GRM8: variants seen among roughly 807,000 people sequenced by gnomAD.
The protein encoded by GRM8 is metabotropic glutamate receptor 8.
Under a neutral mutation model 87.2 loss-of-function variants are expected in GRM8, and 47 were observed. The observed-to-expected ratio is 0.54, with a 90% confidence interval of 0.43 to 0.69. The LOEUF (loss-of-function observed/expected upper bound fraction) is 0.69. Ranked by LOEUF, GRM8 falls within the 30% of genes least tolerant of loss-of-function variation. The pLI, the probability that GRM8 is intolerant of heterozygous loss-of-function variation, is 0.00. For synonymous variants in GRM8, 396 were observed against 404.5 expected (o/e 0.98, Z 0.25); for missense variants, 1,019 against 1,139.2 (o/e 0.89, Z 1.52).
intron 8 of GRM8, among the ~76,000 whole-genome samples, chr7:126,544,847 ACT>A (rs1160619658): frequency 1.3e-5 from 2 of 152,126 alleles, no homozygotes; most frequent in East Asian, 3.9e-4. Context: ...GAAGACAGAA[ACT>A]CTGCAGGTTC....
chr7:126,490,694 T>A (rs1250236475), intron 9 of GRM8, among the ~76,000 whole-genome samples: 1 of 151,970 alleles, frequency 6.6e-6, no homozygotes, highest in East Asian at 1.9e-4. Context: ...AGTCACAATG[T>A]TTCCTCACAG....
intron 7 of GRM8, among the ~76,000 whole-genome samples, chr7:126,768,381 A>AAAAAAAAAT (rs1818443964): frequency 2.0e-5 from 3 of 148,630 alleles, no homozygotes; most frequent in Non-Finnish European, 4.5e-5. Context: ...AAAAAAAAAA[A>AAAAAAAAAT]GTGGACAGAA....
rs17866131 is a variant in GRM8 at position 127,242,580 on chromosome 7, C to G, written c.510+115G>C. ...GTCCCATTTGAGGAACCTGGTAACACCAAAAGGGTCTATGAGCACCTTCAC... is the reference window on the plus strand; with the variant it reads ...GTCCCATTTGAGGAACCTGGTAACAGCAAAAGGGTCTATGAGCACCTTCAC... On this transcript the variant is annotated intron_variant, in intron 2 of 10. Coordinates refer to ENST00000339582, the MANE Select transcript of GRM8 (RefSeq NM_000845.3). 3,424 of 975,230 alleles carry G rather than the reference C, an allele frequency of 3.5e-3. 80 individuals are homozygous for G. The African/African-American group carries it at 0.049, about 14-fold the overall frequency. 60.4% of individuals were successfully genotyped at this position (975,230 alleles called of 1,614,324 possible). A position where few individuals can be genotyped will look rare whatever the true frequency, so the allele number is the denominator to read the frequency against.
In GRM8 at chr7:126,510,721, C is replaced by T. The variant is rs150404844; in HGVS notation, c.2430+22231G>A. Among the ~76,000 whole-genome samples the T allele has an allele frequency of 3.8e-4, 8 of 21,246 alleles. No individual in the cohort carries two copies. In the East Asian group the frequency reaches 7.9e-3, roughly 21 times the overall value. 13.9% of individuals were successfully genotyped at this position (21,246 alleles called of 152,430 possible). ...TGGAGGCATTTAGGCATCATCTGAA[C>T]TGATGCATTGGTTAGCATCACTTTT... is the stretch of plus-strand genomic sequence containing the variant. On this transcript the variant is annotated intron_variant, in intron 9 of 10. Transcript: ENST00000339582.
intron 6 of GRM8, among the ~76,000 whole-genome samples, chr7:126,859,336 TC>T (rs1309539071): frequency 1.3e-5 from 2 of 152,146 alleles, no homozygotes; most frequent in African/African-American, 4.8e-5. Context: ...AAGCCCTTTA[TC>T]ACCCCACCCC....
At chr7:127,147,472 A>C (rs1393157286) in intron 2 of GRM8, among the ~76,000 whole-genome samples, 1 of 151,916 alleles carries the variant, frequency 6.6e-6, no homozygotes, top group Non-Finnish European at 1.5e-5. Flanking sequence ...CTAACTACTA[A>C]TAAGCTGCAG....
chr7:126,959,962 G>T (rs1042728449), intron 3 of GRM8, among the ~76,000 whole-genome samples: 1 of 152,182 alleles, frequency 6.6e-6, no homozygotes, highest in Non-Finnish European at 1.5e-5. Flanking sequence ...TGTGTATGAA[G>T]TAATTATTAC....
chr7:126,832,230 G>A (rs1795459384), intron 6 of GRM8, among the ~76,000 whole-genome samples: 1 of 150,724 alleles, frequency 6.6e-6, no homozygotes, highest in African/African-American at 2.4e-5. Context: ...TGCCATAGTG[G>A]ACTAGATCCC....
At chr7:126,996,210 T>C (rs1372508321) in intron 3 of GRM8, among the ~76,000 whole-genome samples, 1 of 151,764 alleles carries the variant, frequency 6.6e-6, no homozygotes, top group Non-Finnish European at 1.5e-5. Flanking sequence ...TTAATGGGAG[T>C]TCTTCAATCT....
intron 9 of GRM8, among the ~76,000 whole-genome samples, chr7:126,471,815 A>G (rs1805288953): frequency 6.6e-6 from 1 of 151,912 alleles, no homozygotes; most frequent in Non-Finnish European, 1.5e-5. Context: ...GATTCTTCCT[A>G]CCCATGAGCA....
intron 2 of GRM8, among the ~76,000 whole-genome samples, chr7:127,111,755 G>A (rs750511289): frequency 6.6e-5 from 10 of 152,156 alleles, no homozygotes; most frequent in South Asian, 6.2e-4. Flanking sequence ...GGCTGGGTGC[G>A]GTGTCTCACG....
At chr7:126,617,736 G>C (rs1195596281) in intron 7 of GRM8, among the ~76,000 whole-genome samples, 3 of 152,098 alleles carry the variant, frequency 2.0e-5, no homozygotes, top group Admixed American at 6.6e-5. Flanking sequence ...ACCAATAACA[G>C]ACAAACAGAG....
At chr7:126,525,814 T>G (rs1813733217) in intron 9 of GRM8, among the ~76,000 whole-genome samples, 1 of 152,194 alleles carries the variant, frequency 6.6e-6, no homozygotes, top group Admixed American at 6.5e-5. Context: ...GTCATTTACT[T>G]GTTACCTTAG....
intron 7 of GRM8, among the ~76,000 whole-genome samples, chr7:126,724,303 T>C (rs1031998721): frequency 3.3e-5 from 5 of 152,192 alleles, no homozygotes; most frequent in African/African-American, 4.8e-5. Context: ...AAGTGTTGCA[T>C]GACAATTCCA....
rs191267553 is a variant in GRM8, at chr7:126,676,530, T to C, written c.1358-67032A>G. Among the ~76,000 whole-genome samples the C allele has an allele frequency of 6.1e-4, 93 of 152,120 alleles. 1 individual carries two copies. The highest frequency in any genetic ancestry group is 4.6e-4 in the Admixed American group (7 of 15,270). On this transcript the variant is annotated intron_variant, in intron 7 of 10. Transcript: ENST00000339582. ...TGGTACTGGTATAAAAGTAAATACA[T>C]AGAACAATGGAATAGAATAGAGAAC...
intron 8 of GRM8, among the ~76,000 whole-genome samples, chr7:126,585,722 T>A (rs1303140012): frequency 6.6e-6 from 1 of 152,108 alleles, no homozygotes; most frequent in African/African-American, 2.4e-5. Flanking sequence ...ACAGCCAATA[T>A]CATACTGAAT....
At chr7:126,843,271 AG>A (rs1796436309) in intron 6 of GRM8, among the ~76,000 whole-genome samples, 1 of 152,208 alleles carries the variant, frequency 6.6e-6, no homozygotes, top group Non-Finnish European at 1.5e-5. Context: ...AAGCTCAATA[AG>A]GACTAAATCC....
chr7:127,073,091 G>T (rs1821887611), intron 3 of GRM8, among the ~76,000 whole-genome samples: 1 of 152,154 alleles, frequency 6.6e-6, no homozygotes, highest in Non-Finnish European at 1.5e-5. Flanking sequence ...ACAGCTGTAG[G>T]AAGAACGCCT....
intron 2 of GRM8, among the ~76,000 whole-genome samples, chr7:127,210,901 G>A (rs999219671): frequency 2.0e-5 from 3 of 152,142 alleles, no homozygotes; most frequent in African/African-American, 7.2e-5. Context: ...AGTTACTATA[G>A]GTACCACATA....
Sources: gnomAD v4.1 joint callset for allele counts (sites outside exome capture counted in the v4.1 genomes callset) on GRCh38, gnomAD v4.1.1 for gene constraint, MANE v1.5 for transcripts, NCBI Gene and HGNC (gene_info 2026-07-23, HGNC 2026-07-21) for gene names.